CHL1: variants seen among roughly 807,000 people sequenced by gnomAD.
The protein encoded by CHL1 is cell adhesion molecule L1 like, also known as neural cell adhesion molecule L1-like protein.
A neutral mutation model predicts 141.9 loss-of-function variants in CHL1; 96 were observed. The observed-to-expected ratio is 0.68, with a 90% CI of 0.57 to 0.80. The LOEUF (loss-of-function observed/expected upper bound fraction) is 0.80. Ranked by LOEUF, CHL1 falls within the 30% of genes least tolerant of loss-of-function variation. CHL1 has a pLI of 0.00. For missense variants in CHL1, 1,820 were observed against 1,457.2 expected (o/e 1.25, Z -4.05); for synonymous variants, 613 against 502.2 (o/e 1.22, Z -2.95).
intron 2 of CHL1, among the ~76,000 whole-genome samples, chr3:246,100 C>T (rs1559331114): frequency 6.6e-6 from 1 of 152,044 alleles, no homozygotes; most frequent in Non-Finnish European, 1.5e-5. Context: ...CATTAAAACA[C>T]TTTTATGATT....
In CHL1 at chr3:361,418, A is replaced by G. The variant is rs371069741; in HGVS notation, c.1307-281A>G. On this transcript the variant is annotated intron_variant, in intron 12 of 27. Coordinates refer to ENST00000256509, the MANE Select transcript of CHL1 (RefSeq NM_006614.4). ...CTTCTGCACAGCAAAGGAAACTACC[A>G]TCAGAGTGAACAGGCAACCTACAAA... 1.8e-4 allele frequency among the ~76,000 whole-genome samples: 26 copies of G among 143,766 alleles called. No individual in the cohort carries two copies. In the East Asian group the frequency reaches 5.2e-3, roughly 29 times the overall value. 94.3% of individuals were successfully genotyped at this position (143,766 alleles called of 152,430 possible).
chr3:276,837 C>T (rs1696167176), intron 2 of CHL1, among the ~76,000 whole-genome samples: 1 of 145,314 alleles, frequency 6.9e-6, no homozygotes, highest in African/African-American at 2.6e-5. Context: ...TGCAGAGAGC[C>T]GAGATCATGC....
chr3:342,051 G>C lies in CHL1; in HGVS notation c.648G>C (p.Gln216His), dbSNP rs116736772. ...AAFPRLRTIV[Q>H]KMPMKLTVNS... ...TTCCAAGATTAAGGACTATTGTACA[G>C]AAAATGCCAATGAAACTAACAGTTA... The change falls in exon 7 of 28, where the codon CAG becomes CAC. Residue 216 changes from glutamine (Q) to histidine (H), a missense_variant. By Grantham distance (24) the Gln-to-His change is conservative. Transcript: ENST00000256509. 3.1e-6 allele frequency: 5 copies of C among 1,612,540 alleles called. No homozygotes were observed. Among genetic ancestry groups the C allele is most frequent in the Non-Finnish European group, 4.2e-6 (5 of 1,178,824 alleles).
At chr3:360,486 G>C in intron 12 of CHL1, 62 bp downstream of exon 12, 1 of 1,532,652 alleles carries the variant, frequency 6.5e-7, no homozygotes, top group Non-Finnish European at 9.0e-7. Context: ...TCAAGGTCAT[G>C]TTCAGAAGTG....
Position 324,420 on chromosome 3 carries a change from A to G in CHL1, c.92-1539A>G, listed in dbSNP as rs148337117. On this transcript the variant is annotated intron_variant, in intron 3 of 27. Coordinates refer to ENST00000256509, the MANE Select transcript of CHL1 (RefSeq NM_006614.4). ...TTCTAAGAACTGTACTAAAACTGGGATGTCTCCTTTTGAAAAATATTGAGT... is the reference window on the plus strand; with the variant it reads ...TTCTAAGAACTGTACTAAAACTGGGGTGTCTCCTTTTGAAAAATATTGAGT... Among the ~76,000 whole-genome samples, 668 of 152,132 alleles carry G rather than the reference A, an allele frequency of 4.4e-3. 4 individuals carry two copies. Among genetic ancestry groups the G allele is most frequent in the Non-Finnish European group, 7.5e-3 (508 of 67,974 alleles).
chr3:258,868 C>CTTT (rs763713997), intron 2 of CHL1, among the ~76,000 whole-genome samples: 8,032 of 143,902 alleles, frequency 0.056, 688 homozygotes, highest in African/African-American at 0.19. Context: ...ACTAAGTCCC[C>CTTT]TTTTTTTTTT....
At chr3:255,206 C>A (rs1244128138) in intron 2 of CHL1, among the ~76,000 whole-genome samples, 2 of 152,090 alleles carry the variant, frequency 1.3e-5, no homozygotes, top group Admixed American at 1.3e-4. Flanking sequence ...TCTGGCAAAA[C>A]GATGTTTTGA....
At chr3:402,768 A>C (rs949103887) in intron 27 of CHL1, among the ~76,000 whole-genome samples, 2 of 152,164 alleles carry the variant, frequency 1.3e-5, no homozygotes, top group African/African-American at 2.4e-5. Flanking sequence ...ATGACTTTAA[A>C]TTCTTTCCAG....
chr3:217,690 G>T (rs1194923669), intron 1 of CHL1: 2 of 152,372 alleles, frequency 1.3e-5, no homozygotes, highest in African/African-American at 4.8e-5. Flanking sequence ...GGAGAAACCA[G>T]CTGGCACAAG....
At chr3:342,793 C>A (rs1246707898) in intron 7 of CHL1, among the ~76,000 whole-genome samples, 191 bp from the exon 8 acceptor site, 3 of 152,132 alleles carry the variant, frequency 2.0e-5, no homozygotes, top group Non-Finnish European at 2.9e-5. Context: ...TCTTCTCCAC[C>A]TGGATTCAAG....
intron 2 of CHL1, chr3:246,994 T>C (rs1693233578): frequency 6.6e-6 from 1 of 152,010 alleles, no homozygotes. Flanking sequence ...CTCTACACAC[T>C]GCATCTCATA....
chr3:382,997 T>G (rs1377084096), intron 18 of CHL1, among the ~76,000 whole-genome samples: 1 of 152,216 alleles, frequency 6.6e-6, no homozygotes, highest in South Asian at 2.1e-4. Context: ...GCATCTAACA[T>G]TATTAATTTT....
chr3:234,536 G>A (rs1691754083), intron 1 of CHL1, among the ~76,000 whole-genome samples: 1 of 152,120 alleles, frequency 6.6e-6, no homozygotes, highest in Non-Finnish European at 1.5e-5. Flanking sequence ...CTGAAAATTA[G>A]TGATATTTAA....
intron 2 of CHL1, among the ~76,000 whole-genome samples, chr3:298,618 G>A (rs907844887): frequency 1.3e-5 from 2 of 152,146 alleles, no homozygotes; most frequent in Non-Finnish European, 2.9e-5. Context: ...GTCTCTAAAT[G>A]CCATTAACTT....
intron 2 of CHL1, among the ~76,000 whole-genome samples, chr3:310,150 A>G (rs1699632845): frequency 6.6e-6 from 1 of 152,154 alleles, no homozygotes; most frequent in African/African-American, 2.4e-5. Context: ...AGTTTTAAAA[A>G]TGAGCATTCA....
Position 260,924 on chromosome 3 carries a change from G to C in CHL1, c.-95+16232G>C, listed in dbSNP as rs548107111. On this transcript the variant is annotated intron_variant, in intron 2 of 27. Coordinates refer to ENST00000256509, the MANE Select transcript of CHL1 (RefSeq NM_006614.4). The stretch of plus-strand genomic sequence containing the variant: ...GTAACCACCAGATTGTCAGAAATTA[G>C]CCTGGTTTTTTTTGGACAGTTTGAG... Among the ~76,000 whole-genome samples, 3 of 152,248 alleles carry C rather than the reference G, an allele frequency of 2.0e-5. No individual in the cohort carries two copies. In the East Asian group the frequency reaches 5.8e-4, roughly 29 times the overall value.
chr3:286,265 G>T (rs957308876), intron 2 of CHL1, among the ~76,000 whole-genome samples: 8 of 152,064 alleles, frequency 5.3e-5, no homozygotes, highest in African/African-American at 1.9e-4. Context: ...CTTGGATCTC[G>T]CACAAGAAAG....
chr3:218,942 C>T (rs905497817), intron 1 of CHL1, among the ~76,000 whole-genome samples: 3 of 151,980 alleles, frequency 2.0e-5, no homozygotes, highest in African/African-American at 4.8e-5. Context: ...GTCAGGAGAT[C>T]GAGACCGTCC....
At chr3:228,808 T>A (rs1001125572) in intron 1 of CHL1, among the ~76,000 whole-genome samples, 3 of 152,178 alleles carry the variant, frequency 2.0e-5, no homozygotes, top group African/African-American at 7.2e-5. Context: ...TATTTTAAAC[T>A]CAAAATAGAA....
Sources: gnomAD v4.1 joint callset for allele counts (sites outside exome capture counted in the v4.1 genomes callset) on GRCh38, gnomAD v4.1.1 for gene constraint, MANE v1.5 for transcripts, NCBI Gene and HGNC (gene_info 2026-07-23, HGNC 2026-07-21) for gene names.